ADAMTS2: variants seen among roughly 807,000 people sequenced by gnomAD.
The protein encoded by ADAMTS2 is A disintegrin and metalloproteinase with thrombospondin motifs 2.
A neutral mutation model predicts 123.0 loss-of-function variants in ADAMTS2; 50 were observed. The observed-to-expected ratio is 0.41, with a 90% CI of 0.32 to 0.51. The LOEUF (loss-of-function observed/expected upper bound fraction) is 0.51. Among genes scored for constraint, ADAMTS2 ranks in the 20% least tolerant of loss-of-function variants. The probability of loss-of-function intolerance (pLI) is 0.35; values close to 1 mark genes in which losing one functional copy is unlikely to be tolerated. For synonymous variants in ADAMTS2, 678 were observed against 695.4 expected (o/e 0.98, Z 0.39); for missense variants, 1,494 against 1,705.2 (o/e 0.88, Z 2.18).
chr5:179,147,127 C>T (rs1340030290), intron 10 of ADAMTS2, among the ~76,000 whole-genome samples: 4 of 152,268 alleles, frequency 2.6e-5, no homozygotes, highest in African/African-American at 7.2e-5. Context: ...CTCACTCTGT[C>T]GTCCAGGCTG....
chr5:179,200,947 A>G (rs930669188), intron 4 of ADAMTS2, among the ~76,000 whole-genome samples: 3 of 152,252 alleles, frequency 2.0e-5, no homozygotes, highest in Non-Finnish European at 4.4e-5. Flanking sequence ...AGCAGAATCA[A>G]GGGCATGAAT....
intron 2 of ADAMTS2, chr5:179,341,210 G>A (rs555905270): frequency 2.2e-5 from 5 of 224,252 alleles, no homozygotes; most frequent in East Asian, 1.5e-4. Flanking sequence ...AGACACATAC[G>A]CAGCAACAAA....
Sources: allele counts gnomAD v4.1 joint callset (sites outside exome capture counted in the v4.1 genomes callset), GRCh38; gene constraint gnomAD v4.1.1; transcripts MANE v1.5; gene names NCBI Gene and HGNC (gene_info 2026-07-23, HGNC 2026-07-21).